Variants in DPYD observed in about 807,000 individuals in gnomAD.
The protein encoded by DPYD is dihydropyrimidine dehydrogenase, also known as dihydropyrimidine dehydrogenase [NADP(+)].
A neutral mutation model predicts 116.2 loss-of-function variants in DPYD; 109 were observed. The ratio of observed to expected loss-of-function variants is 0.94; its 90% CI spans 0.80 to 1.10. The LOEUF (loss-of-function observed/expected upper bound fraction) is 1.10, where lower values mean the gene tolerates loss of function less well. Among genes scored for constraint, DPYD ranks in the 50% least tolerant of loss-of-function variants. The probability of loss-of-function intolerance (pLI) is 0.00; values close to 1 mark genes in which losing one functional copy is unlikely to be tolerated. For missense variants in DPYD, 1,302 were observed against 1,254.5 expected, an observed-to-expected ratio of 1.04 and a Z score of -0.57; for synonymous variants, 440 against 432.0, an observed-to-expected ratio of 1.02 and a Z score of -0.23.
chr1:97,649,395 A>G (rs937710394), intron 8 of DPYD, among the ~76,000 whole-genome samples: 3 of 152,148 alleles, frequency 2.0e-5, no homozygotes, highest in African/African-American at 7.2e-5. Context: ...AAAAGGTTGT[A>G]GAAATTCTTT....
intron 5 of DPYD, among the ~76,000 whole-genome samples, chr1:97,700,466 C>G (rs1661535761): frequency 6.6e-6 from 1 of 152,012 alleles, no homozygotes; most frequent in Admixed American, 6.6e-5. Context: ...GCTGAAGCTT[C>G]TGGAGGGCTA....
intron 4 of DPYD, among the ~76,000 whole-genome samples, chr1:97,728,486 A>AT (rs1663394396): frequency 6.6e-6 from 1 of 152,232 alleles, no homozygotes; most frequent in African/African-American, 2.4e-5. Flanking sequence ...ACCCTGTCAT[A>AT]TGGTATAACT....
At chr1:97,488,981 A>G (rs1434257727) in intron 13 of DPYD, among the ~76,000 whole-genome samples, 4 of 152,322 alleles carry the variant, frequency 2.6e-5, no homozygotes, top group Non-Finnish European at 5.9e-5. Flanking sequence ...CGCTTCAGTA[A>G]AAGTTGCTAA....
intron 8 of DPYD, among the ~76,000 whole-genome samples, chr1:97,629,188 C>T (rs1331222233): frequency 1.3e-5 from 2 of 151,986 alleles, no homozygotes; most frequent in Admixed American, 6.6e-5. Context: ...AAATGGCATG[C>T]GGATTCTGAT....
intron 3 of DPYD, among the ~76,000 whole-genome samples, chr1:97,757,126 AG>A (rs1402835409): frequency 6.6e-6 from 1 of 152,210 alleles, no homozygotes; most frequent in Non-Finnish European, 1.5e-5. Flanking sequence ...ATATTGTTTG[AG>A]TACCTGTTAG....
intron 13 of DPYD, among the ~76,000 whole-genome samples, chr1:97,498,796 A>AT (rs35975305): frequency 1.3e-5 from 2 of 151,708 alleles, no homozygotes; most frequent in African/African-American, 2.4e-5. Context: ...AATATTTAAC[A>AT]TTTTTTGTGA....
intron 16 of DPYD, among the ~76,000 whole-genome samples, chr1:97,337,348 C>A (rs1322241855): frequency 6.6e-6 from 1 of 152,132 alleles, no homozygotes; most frequent in African/African-American, 2.4e-5. Context: ...CAAATATTCC[C>A]AGGTGAGTCA....
At chr1:97,825,968 T>C (rs1375290103) in intron 3 of DPYD, among the ~76,000 whole-genome samples, 1 of 152,162 alleles carries the variant, frequency 6.6e-6, no homozygotes, top group African/African-American at 2.4e-5. Context: ...AATTGTTGTA[T>C]GCTATTAATT....
intron 5 of DPYD, among the ~76,000 whole-genome samples, chr1:97,717,131 A>G (rs1662658888): frequency 6.6e-6 from 1 of 152,040 alleles, no homozygotes; most frequent in African/African-American, 2.4e-5. Context: ...AAATACACTT[A>G]CATGGAATAA....
intron 11 of DPYD, among the ~76,000 whole-genome samples, chr1:97,560,364 G>A (rs940095910): frequency 2.4e-4 from 37 of 152,090 alleles, no homozygotes; most frequent in East Asian, 1.2e-3. Flanking sequence ...GATTGATGAC[G>A]TGGAGGTCAA....
intron 14 of DPYD, among the ~76,000 whole-genome samples, chr1:97,407,036 G>A (rs1292351630): frequency 6.6e-6 from 1 of 152,112 alleles, no homozygotes; most frequent in African/African-American, 2.4e-5. Flanking sequence ...TTTAAAATGT[G>A]TTATTATGCA....
intron 2 of DPYD, among the ~76,000 whole-genome samples, chr1:97,866,503 T>C (rs1054076990): frequency 6.6e-6 from 1 of 151,950 alleles, no homozygotes; most frequent in Admixed American, 6.6e-5. Context: ...GTTTCATTCA[T>C]TTAAGTAGCC....
intron 18 of DPYD, among the ~76,000 whole-genome samples, chr1:97,257,467 A>AGAGAGC (rs1391134118): frequency 6.6e-6 from 1 of 150,540 alleles, no homozygotes; most frequent in African/African-American, 2.4e-5. Flanking sequence ...AGAGAGAAAG[A>AGAGAGC]GAGAGAGAGC....
intron 18 of DPYD, among the ~76,000 whole-genome samples, chr1:97,255,177 T>TA (rs906415122): frequency 6.6e-6 from 1 of 152,190 alleles, no homozygotes; most frequent in African/African-American, 2.4e-5. Flanking sequence ...AAGGCTCATG[T>TA]AATCAAAGTC....
intron 14 of DPYD, chr1:97,394,186 A>G (rs1414269031): frequency 6.6e-6 from 1 of 151,956 alleles, no homozygotes; most frequent in Non-Finnish European, 1.5e-5. Flanking sequence ...TAGATTCTGG[A>G]TATTAGCCCT....
rs201785202 is a variant in DPYD at position 97,593,226 on chromosome 1, G to A, written c.1120C>T (p.Pro374Ser). The A allele has an allele frequency of 1.9e-5, 30 of 1,613,882 alleles. 1 individual carries two copies. The Admixed American group carries it at 4.0e-4, about 22-fold the overall frequency. ...TGATGGTTCCATTTTACCTCCTCAGGGACAGCTCTTATATTAACAAAGCCT... is the reference window on the plus strand; with the variant it reads ...TGATGGTTCCATTTTACCTCCTCAGAGACAGCTCTTATATTAACAAAGCCT... ...RKGFVNIRAV[P>S]EEMELAKEEK... Residue 374 changes from proline to serine, a missense_variant, in exon 10 of 23, where the codon CCT becomes TCT. Pro to Ser is a moderately conservative substitution (Grantham distance 74). Coordinates refer to ENST00000370192, the MANE Select transcript of DPYD (RefSeq NM_000110.4).
chr1:97,403,169 G>T (rs191960823), intron 14 of DPYD, among the ~76,000 whole-genome samples: 19 of 152,180 alleles, frequency 1.2e-4, no homozygotes, highest in African/African-American at 3.6e-4. Flanking sequence ...ATGGGGTTAA[G>T]TCCTGATAAG....
chr1:97,390,368 A>G (rs1452365218), intron 14 of DPYD, among the ~76,000 whole-genome samples: 1 of 152,116 alleles, frequency 6.6e-6, no homozygotes, highest in Non-Finnish European at 1.5e-5. Flanking sequence ...GAGGAAAAAC[A>G]GCATGAGACA....
chr1:97,474,008 A>G (rs892994190), intron 13 of DPYD, among the ~76,000 whole-genome samples: 1 of 127,574 alleles, frequency 7.8e-6, no homozygotes, highest in African/African-American at 2.8e-5. Context: ...AGAGTGAGAA[A>G]CTGTCTTTAA....
Sources: gnomAD v4.1 joint callset for allele counts (sites outside exome capture counted in the v4.1 genomes callset) on GRCh38, gnomAD v4.1.1 for gene constraint, MANE v1.5 for transcripts, NCBI Gene and HGNC (gene_info 2026-07-23, HGNC 2026-07-21) for gene names.